The following MORN2 variants were observed in gnomAD, a reference collection of about 807,000 sequenced individuals.
MORN2 encodes the protein MORN repeat-containing protein 2.
In MORN2, 15 loss-of-function variants were observed where a neutral mutation model predicts 13.4. The observed-to-expected ratio is 1.12, with a 90% confidence interval of 0.75 to 1.72. MORN2 has a LOEUF of 1.72. Among genes scored for constraint, MORN2 ranks in the 40% most tolerant of loss-of-function variants. The pLI, the probability that MORN2 is intolerant of heterozygous loss-of-function variation, is 0.00. For synonymous variants in MORN2, 46 were observed against 43.6 expected, an observed-to-expected ratio of 1.06 and a Z score of -0.22; for missense variants, 168 against 134.6, an observed-to-expected ratio of 1.25 and a Z score of -1.23.
Position 38,882,608 on chromosome 2 carries a change from C to A in MORN2, c.*93C>A. On this transcript the variant is annotated 3_prime_UTR_variant, in exon 5 of 5. Coordinates refer to ENST00000644631, the MANE Select transcript of MORN2 (RefSeq NM_001145450.3). ...CTGTTATTTGAAATGACTTCATACA[C>A]TACCCCTATAAGTTTGCCAATAAAA... 1.2e-6 allele frequency: 1 copy of A among 849,778 alleles called. No homozygotes were observed. Among genetic ancestry groups the A allele is most frequent in the Non-Finnish European group, 1.8e-6 (1 of 541,152 alleles). 52.6% of individuals were successfully genotyped at this position (849,778 alleles called of 1,614,324 possible).
At position 38,877,759 on chromosome 2, in the gene MORN2, G is replaced by A. The variant is rs527652315; in HGVS notation, c.58+1649G>A. On this transcript the variant is annotated intron_variant, in intron 1 of 4. Transcript: ENST00000644631. The stretch of plus-strand genomic sequence containing the variant: ...CCCACCCAAAGCGTTGGGATTACAG[G>A]CATGAGCCACCAGATTCTATTTTTA... Among the ~76,000 whole-genome samples, 12 of 151,554 alleles carry A rather than the reference G, an allele frequency of 7.9e-5. No individual in the cohort carries two copies. The South Asian group carries it at 2.5e-3, about 32-fold the overall frequency.
rs1227431091 is a variant in MORN2, at chr2:38,880,716, T to G, written c.216+10T>G. 3 of 1,549,594 alleles carry G rather than the reference T, an allele frequency of 1.9e-6. No homozygotes were observed. In the African/African-American group the frequency reaches 4.1e-5, roughly 21 times the overall value. On this transcript the variant is annotated intron_variant, in intron 3 of 4. Transcript: ENST00000644631. ...CTGGAAAGATGACAAGGTATTATTGTTGTTTTTAATATTGGCAGTGGATAA... is the reference window on the plus strand; with the variant it reads ...CTGGAAAGATGACAAGGTATTATTGGTGTTTTTAATATTGGCAGTGGATAA...
chr2:38,877,577 T>C (rs1378701338), intron 1 of MORN2, among the ~76,000 whole-genome samples: 5 of 152,228 alleles, frequency 3.3e-5, no homozygotes, highest in Non-Finnish European at 2.9e-5. Flanking sequence ...AAGATTGCTC[T>C]CTATCCTCCA....
At chr2:38,881,628 T>C (rs1665779475) in intron 4 of MORN2, 50 bp downstream of exon 4, 1 of 1,340,098 alleles carries the variant, frequency 7.5e-7, no homozygotes, top group Admixed American at 3.0e-5. Context: ...GATTATTTTC[T>C]GGTATGTTTG....
At chr2:38,878,516 T>TC (rs1665704596) in intron 1 of MORN2, among the ~76,000 whole-genome samples, 3 of 152,142 alleles carry the variant, frequency 2.0e-5, no homozygotes. Flanking sequence ...TGTGCTACTT[T>TC]CTTTTTTTTT....
Position 38,876,119 on chromosome 2 carries a change from CCCT to C in MORN2, c.58+16_58+18del. 2.5e-6 allele frequency: 1 copy of C among 398,734 alleles called. No individual in the cohort carries two copies. The highest frequency in any genetic ancestry group is 4.4e-6 in the Non-Finnish European group (1 of 226,160). The allele number at this position is 398,734 out of a possible 1,614,324, so 24.7% of individuals were successfully genotyped here. On this transcript the variant is annotated intron_variant, in intron 1 of 4. Coordinates refer to ENST00000644631, the MANE Select transcript of MORN2 (RefSeq NM_001145450.3). Reference sequence around the variant, plus strand: ...TAACACCTCTCGGCCAAGTGAGTGTCCCTCCTCCTAACGACCCGGGCAGAGAAG... The same window carrying C: ...TAACACCTCTCGGCCAAGTGAGTGTCCCTCCTAACGACCCGGGCAGAGAAG...
At chr2:38,877,078 C>G (rs1665649779) in intron 1 of MORN2, among the ~76,000 whole-genome samples, 1 of 152,114 alleles carries the variant, frequency 6.6e-6, no homozygotes, top group South Asian at 2.1e-4. Context: ...TGGGAAACTA[C>G]AAGCAGATCT....
intron 1 of MORN2, among the ~76,000 whole-genome samples, chr2:38,876,415 C>G (rs142160855): frequency 6.6e-6 from 1 of 152,210 alleles, no homozygotes; most frequent in Admixed American, 6.5e-5. Context: ...GAATGTAGAA[C>G]ATTTTAGCGG....
Position 38,882,440 on chromosome 2 carries a change from T to C in MORN2, c.381T>C (p.Asp127=). ...TGGAAGGTGAAGGGGAATATACTGA[T>C]ATCCAAGGACTAGAATGGAGTGGTA... Residue 127 remains aspartate, a synonymous_variant, in exon 5 of 5, where the codon GAT becomes GAC. Transcript: ENST00000644631. 5 of 1,550,636 alleles carry C rather than the reference T, an allele frequency of 3.2e-6. No individual in the cohort carries two copies. The highest frequency in any genetic ancestry group is 2.6e-6 in the Non-Finnish European group (3 of 1,146,250).
intron 4 of MORN2, among the ~76,000 whole-genome samples, chr2:38,881,889 G>T (rs928748858): frequency 2.0e-5 from 3 of 152,200 alleles, no homozygotes; most frequent in Non-Finnish European, 4.4e-5. Context: ...GACCTCAAGT[G>T]ATCTGCCTGC....
chr2:38,881,532 A>G lies in MORN2; in HGVS notation c.307A>G (p.Thr103Ala). 2 of 1,541,682 alleles carry G rather than the reference A, an allele frequency of 1.3e-6. No individual in the cohort carries two copies. The highest frequency in any genetic ancestry group is 1.7e-6 in the Non-Finnish European group (2 of 1,143,536). ...TATGTTTCATGGACTGGGGACTTAC[A>G]CATTCCCAAATGGGGCAAAGTATAC... The change falls in exon 4 of 5, where the codon ACA becomes GCA. Residue 103 changes from threonine to alanine, a missense_variant. Coordinates refer to ENST00000644631, the MANE Select transcript of MORN2 (RefSeq NM_001145450.3).
Position 38,882,700 on chromosome 2 carries a change from C to T in MORN2, c.*185C>T, listed in dbSNP as rs1010252832. Reference sequence around the variant, plus strand: ...CTTACAATTAGTTTAAAATAAATGACATGATTCAATTCAGTCTGCTTATTA... The same window carrying T: ...CTTACAATTAGTTTAAAATAAATGATATGATTCAATTCAGTCTGCTTATTA... On this transcript the variant is annotated 3_prime_UTR_variant, in exon 5 of 5. Transcript: ENST00000644631. 1 of 420,134 alleles carries T rather than the reference C, an allele frequency of 2.4e-6. No homozygotes were observed. Among genetic ancestry groups the T allele is most frequent in the Middle Eastern group, 6.6e-4 (1 of 1,526 alleles). The allele number at this position is 420,134 out of a possible 1,614,324, so 26.0% of individuals were successfully genotyped here.
rs545915593 is a variant in MORN2 at position 38,877,602 on chromosome 2, T to G, written c.58+1492T>G. Reference sequence around the variant, plus strand: ...TCTATCCTCCACACCATTTCCATATTGATATTACCTGAGTTTTAGTTACAG... The same window carrying G: ...TCTATCCTCCACACCATTTCCATATGGATATTACCTGAGTTTTAGTTACAG... On this transcript the variant is annotated intron_variant, in intron 1 of 4. Transcript: ENST00000644631. Among the ~76,000 whole-genome samples, 32 of 152,188 alleles carry G rather than the reference T, an allele frequency of 2.1e-4. No homozygotes were observed. In the South Asian group the frequency reaches 6.6e-3, roughly 32 times the overall value.
Position 38,882,485 on chromosome 2 carries a change from T to C in MORN2, c.426T>C (p.Ala142=), listed in dbSNP as rs1266204347. The C allele has an allele frequency of 1.3e-6, 2 of 1,550,630 alleles. No homozygotes were observed. The highest frequency in any genetic ancestry group is 2.5e-5 in the East Asian group (1 of 40,816). Residue 142 remains alanine, a synonymous_variant, in exon 5 of 5, where the codon GCT becomes GCC. Coordinates refer to ENST00000644631, the MANE Select transcript of MORN2 (RefSeq NM_001145450.3). ...GTGGTAACTTTCATTTTACAGCTGC[T>C]CCAGACCTGAAATTAAAGCTTCACA...
chr2:38,881,143 G>A (rs1024530315), intron 3 of MORN2, among the ~76,000 whole-genome samples: 7 of 152,032 alleles, frequency 4.6e-5, no homozygotes, highest in African/African-American at 1.4e-4. Context: ...AACTAAACTG[G>A]TTGCCCTTTA....
rs185192221 is a variant in MORN2, at chr2:38,877,164, G to A, written c.58+1054G>A. Among the ~76,000 whole-genome samples the A allele has an allele frequency of 1.4e-3, 207 of 152,276 alleles. 2 individuals are homozygous for A. The highest frequency in any genetic ancestry group is 4.9e-3 in the African/African-American group (204 of 41,542). On this transcript the variant is annotated intron_variant, in intron 1 of 4. Transcript: ENST00000644631. ...GCCTGTAGTTCCAGCTACTTGGGAGGCTGAGGCAGGAGAATGGCGTGAACC... is the reference window on the plus strand; with the variant it reads ...GCCTGTAGTTCCAGCTACTTGGGAGACTGAGGCAGGAGAATGGCGTGAACC...
chr2:38,880,371 G>C, intron 2 of MORN2, 142 bp downstream of exon 2: 1 of 400,146 alleles, frequency 2.5e-6, no homozygotes, highest in Non-Finnish European at 4.4e-6. Flanking sequence ...AATAGATAAA[G>C]AGCTTTTAAA....
Position 38,882,554 on chromosome 2 carries a change from G to A in MORN2, c.*39G>A, listed in dbSNP as rs1330019157. ...TTAAAGTTGAAATGTAGTAATTGAA[G>A]CTTTTAGTTGTAAGGAAAGCAACTT... On this transcript the variant is annotated 3_prime_UTR_variant, in exon 5 of 5. Coordinates refer to ENST00000644631, the MANE Select transcript of MORN2 (RefSeq NM_001145450.3). The A allele has an allele frequency of 1.4e-6, 2 of 1,425,604 alleles. No homozygotes were observed. Among genetic ancestry groups the A allele is most frequent in the Middle Eastern group, 1.7e-4 (1 of 5,724 alleles). The allele number at this position is 1,425,604 out of a possible 1,614,324, so 88.3% of individuals were successfully genotyped here.
chr2:38,879,047 G>A (rs777761700), intron 1 of MORN2, among the ~76,000 whole-genome samples: 1 of 152,136 alleles, frequency 6.6e-6, no homozygotes, highest in African/African-American at 2.4e-5. Flanking sequence ...GGGATCTGAG[G>A]CCCAGAGTCC....
Sources: allele counts gnomAD v4.1 joint callset (sites outside exome capture counted in the v4.1 genomes callset), GRCh38; gene constraint gnomAD v4.1.1; transcripts MANE v1.5; gene names NCBI Gene and HGNC (gene_info 2026-07-23, HGNC 2026-07-21).